LMO3: variants seen among roughly 807,000 people sequenced by gnomAD.
The protein encoded by LMO3 is LIM domain only protein 3.
LMO3 carries 2 observed loss-of-function variants against 15.8 expected under a neutral mutation model. That is an observed-to-expected ratio of 0.13 (90% CI 0.05 to 0.40). The LOEUF is 0.40. Ranked by LOEUF, LMO3 falls within the 10% of genes least tolerant of loss-of-function variation. LMO3 has a pLI of 0.99. For missense variants in LMO3, 86 were observed against 182.2 expected (o/e 0.47, Z 3.04); for synonymous variants, 62 against 63.8 (o/e 0.97, Z 0.13).
At chr12:16,594,077 T>G in intron 2 of LMO3, 2 of 1,470,384 alleles carry the variant, frequency 1.4e-6, no homozygotes, top group Non-Finnish European at 1.8e-6. Context: ...TGCTATAGTT[T>G]GCAATATTAA....
At chr12:16,594,153 G>A (rs982294036) in intron 2 of LMO3, 2 of 1,532,474 alleles carry the variant, frequency 1.3e-6, no homozygotes, top group Middle Eastern at 1.7e-4. Flanking sequence ...ATGGTGATTT[G>A]TTGGCTAAAG....
intron 2 of LMO3, among the ~76,000 whole-genome samples, chr12:16,575,542 A>G (rs1393701937): frequency 6.6e-6 from 1 of 152,224 alleles, no homozygotes; most frequent in Non-Finnish European, 1.5e-5. Context: ...AGCATTTGAC[A>G]CGAGTTATTT....
At chr12:16,556,784 T>G (rs1404437475) in intron 3 of LMO3, among the ~76,000 whole-genome samples, 1 of 152,196 alleles carries the variant, frequency 6.6e-6, no homozygotes, top group Non-Finnish European at 1.5e-5. Flanking sequence ...CTGCTTTGCT[T>G]GACTGATGAA....
Position 16,550,996 on chromosome 12 carries a change from C to A in LMO3, c.*226G>T. ...AAAAACGAATAGCAAGCAAAAAAAT[C>A]CAGCCATATGTACATTACTTTTTTC... is the stretch of plus-strand genomic sequence containing the variant. On this transcript the variant is annotated 3_prime_UTR_variant, in exon 4 of 4. Transcript: ENST00000537304. 2.4e-6 allele frequency: 1 copy of A among 423,734 alleles called. No homozygotes were observed. Among genetic ancestry groups the A allele is most frequent in the East Asian group, 3.3e-5 (1 of 29,994 alleles). 26.2% of individuals were successfully genotyped at this position (423,734 alleles called of 1,614,324 possible).
At chr12:16,569,908 T>C (rs1942755326) in intron 2 of LMO3, among the ~76,000 whole-genome samples, 1 of 152,138 alleles carries the variant, frequency 6.6e-6, no homozygotes, top group African/African-American at 2.4e-5. Flanking sequence ...AAATATTTTA[T>C]CTAATCACTA....
chr12:16,568,670 A>T (rs1035477932), intron 2 of LMO3, among the ~76,000 whole-genome samples: 4 of 152,236 alleles, frequency 2.6e-5, no homozygotes, highest in African/African-American at 9.6e-5. Flanking sequence ...GATACATTGC[A>T]TTAAATACGT....
chr12:16,594,594 C>T (rs1316477430), intron 2 of LMO3, among the ~76,000 whole-genome samples: 3 of 151,514 alleles, frequency 2.0e-5, no homozygotes, highest in Non-Finnish European at 4.4e-5. Context: ...CATTCTCATA[C>T]GAGTTGGAAA....
rs1405216064 is a variant in LMO3, at chr12:16,566,002, AT to A, written c.207-5465del. Among the ~76,000 whole-genome samples, 3 of 49,008 alleles carry A rather than the reference AT, an allele frequency of 6.1e-5. 1 individual carries two copies. Among genetic ancestry groups the A allele is most frequent in the Non-Finnish European group, 1.1e-4 (3 of 27,244 alleles). The allele number at this position is 49,008 out of a possible 152,430, so 32.2% of individuals were successfully genotyped here. ...ATGTGCCATATATATATATATATAT[AT>A]ATATATATATATATATATATATATA... On this transcript the variant is annotated intron_variant, in intron 2 of 3. Coordinates refer to ENST00000537304, the MANE Select transcript of LMO3 (RefSeq NM_018640.5).
intron 2 of LMO3, among the ~76,000 whole-genome samples, chr12:16,566,572 G>A (rs1942618902): frequency 6.6e-6 from 1 of 151,716 alleles, no homozygotes; most frequent in African/African-American, 2.4e-5. Context: ...TTTCAAAAAA[G>A]CTTAAAAGTT....
In LMO3 at chr12:16,549,991, G is replaced by GTGTT. The variant is rs1269615605; in HGVS notation, c.*1227_*1230dup. On this transcript the variant is annotated 3_prime_UTR_variant, in exon 4 of 4. Transcript: ENST00000537304. The stretch of plus-strand genomic sequence containing the variant: ...GAGAGTAAAACACATCAAACTTAAA[G>GTGTT]TGTTTACTTTTTGAACATTAAAATA... 6.6e-6 allele frequency: 1 copy of GTGTT among 151,966 alleles called. No individual in the cohort carries two copies. The highest frequency in any genetic ancestry group is 1.9e-4 in the East Asian group (1 of 5,180). 9.4% of individuals were successfully genotyped at this position (151,966 alleles called of 1,614,324 possible). A position where few individuals can be genotyped will look rare whatever the true frequency, so the allele number is the denominator to read the frequency against.
chr12:16,579,435 T>C (rs1344222920), intron 2 of LMO3, among the ~76,000 whole-genome samples: 2 of 152,230 alleles, frequency 1.3e-5, no homozygotes, highest in Non-Finnish European at 2.9e-5. Flanking sequence ...CTTCCAAGTT[T>C]ACATTTAATT....
At chr12:16,583,787 A>G (rs993119411) in intron 2 of LMO3, among the ~76,000 whole-genome samples, 2 of 152,190 alleles carry the variant, frequency 1.3e-5, no homozygotes, top group African/African-American at 4.8e-5. Flanking sequence ...TAGCACAGGC[A>G]TGGGAGGAGA....
chr12:16,567,580 G>A (rs1189073647), intron 2 of LMO3: 1 of 152,264 alleles, frequency 6.6e-6, no homozygotes, highest in African/African-American at 2.4e-5. Flanking sequence ...GATGATGTTA[G>A]AGGGTGAGCA....
chr12:16,608,354 C>G (rs1352018493), upstream of LMO3: 1 of 152,148 alleles, frequency 6.6e-6, no homozygotes, highest in Non-Finnish European at 1.5e-5. The surrounding 1 kb of genome is among the most constrained non-coding windows in gnomAD (Gnocchi z 4.1). Flanking sequence ...ACTGTATGAT[C>G]TGTTACCCCT....
At chr12:16,570,017 G>A (rs1034473069) in intron 2 of LMO3, among the ~76,000 whole-genome samples, 10 of 152,202 alleles carry the variant, frequency 6.6e-5, no homozygotes, top group Non-Finnish European at 1.3e-4. Flanking sequence ...TTTAGATATC[G>A]TGGGAAATTT....
At chr12:16,574,807 G>A (rs1306225407) in intron 2 of LMO3, among the ~76,000 whole-genome samples, 1 of 152,180 alleles carries the variant, frequency 6.6e-6, no homozygotes, top group Non-Finnish European at 1.5e-5. Flanking sequence ...GTGGTAGGTG[G>A]CATCCATTCT....
rs930240760 is a variant in LMO3, at chr12:16,585,937, G to A, written c.206+14718C>T. On this transcript the variant is annotated intron_variant, in intron 2 of 3. Coordinates refer to ENST00000537304, the MANE Select transcript of LMO3 (RefSeq NM_018640.5). This position sits in a 1 kb window ranked among gnomAD's most constrained non-coding sequence, Gnocchi z 4.7. ...ATCTTGCTTATCCTAAGATCTGGGC[G>A]ACATTTCACCAGTGAGGCGGTAGGA... Among the ~76,000 whole-genome samples, 2 of 152,108 alleles carry A rather than the reference G, an allele frequency of 1.3e-5. No homozygotes were observed. The highest frequency in any genetic ancestry group is 6.6e-5 in the Admixed American group (1 of 15,246).
chr12:16,608,821 T>G (rs1944077326), upstream of LMO3: 1 of 152,104 alleles, frequency 6.6e-6, no homozygotes, highest in Non-Finnish European at 1.5e-5. This position sits in a 1 kb window ranked among gnomAD's most constrained non-coding sequence, Gnocchi z 4.1. Flanking sequence ...TAGTTAACAT[T>G]CAGCTCCATG....
At chr12:16,590,512 A>AC (rs1369541553) in intron 2 of LMO3, among the ~76,000 whole-genome samples, 1 of 151,910 alleles carries the variant, frequency 6.6e-6, no homozygotes, top group Non-Finnish European at 1.5e-5. Flanking sequence ...CAAGAATATC[A>AC]CCCCTCAGAC....
Sources: allele counts gnomAD v4.1 joint callset (sites outside exome capture counted in the v4.1 genomes callset), GRCh38; gene constraint gnomAD v4.1.1; non-coding constraint Gnocchi (gnomAD v3.1); transcripts MANE v1.5; gene names NCBI Gene and HGNC (gene_info 2026-07-23, HGNC 2026-07-21).